Variants in PRKCG observed in about 807,000 individuals in gnomAD.
The protein encoded by PRKCG is protein kinase C gamma.
PRKCG carries 28 observed loss-of-function variants against 82.0 expected under a neutral mutation model. That is an observed-to-expected ratio of 0.34 (90% CI 0.25 to 0.47). The LOEUF (loss-of-function observed/expected upper bound fraction) is 0.47. PRKCG is among the 20% of genes least tolerant of loss of function. PRKCG has a pLI of 1.00. For synonymous variants in PRKCG, 383 were observed against 376.6 expected (o/e 1.02, Z -0.20); for missense variants, 640 against 952.7 (o/e 0.67, Z 4.32).
chr19:53,895,769 G>A (rs960828487), intron 9 of PRKCG, among the ~76,000 whole-genome samples: 1 of 152,116 alleles, frequency 6.6e-6, no homozygotes, highest in African/African-American at 2.4e-5. Flanking sequence ...GTTTGAGAAT[G>A]GGCTCTGCGG....
At chr19:53,886,228 C>T (rs145102065) in intron 3 of PRKCG, among the ~76,000 whole-genome samples, 4,949 of 151,622 alleles carry the variant, frequency 0.033, 97 homozygotes, top group African/African-American at 0.06. Context: ...CCTCAGCCTC[C>T]CGAGTAGCTG....
At chr19:53,886,764 T>C (rs1364297445) in intron 3 of PRKCG, among the ~76,000 whole-genome samples, 5 of 152,166 alleles carry the variant, frequency 3.3e-5, no homozygotes. Context: ...CTTATTTGGT[T>C]ATTTTTCCCT....
At chr19:53,887,549 G>C (rs1468231828) in intron 3 of PRKCG, among the ~76,000 whole-genome samples, 1 of 122,372 alleles carries the variant, frequency 8.2e-6, no homozygotes, top group East Asian at 2.7e-4. Context: ...AACATGCCTT[G>C]ACCAGGCATG....
intron 3 of PRKCG, among the ~76,000 whole-genome samples, chr19:53,887,943 G>A (rs1470149984): frequency 6.6e-6 from 1 of 152,122 alleles, no homozygotes; most frequent in Non-Finnish European, 1.5e-5. Context: ...CTGAGGCTTT[G>A]AAAAGGGGCA....
intron 16 of PRKCG, 129 bp from the exon 17 acceptor site, chr19:53,906,188 T>C (rs1414702484): frequency 4.8e-6 from 6 of 1,252,090 alleles, no homozygotes; most frequent in Non-Finnish European, 6.8e-6. Context: ...TGGCTGTTCT[T>C]ATCTCTCCGG....
In PRKCG at chr19:53,892,962, G is replaced by A. The variant is rs780850657; in HGVS notation, c.822-26G>A. On this transcript the variant is annotated intron_variant, in intron 7 of 17. Coordinates refer to ENST00000263431, the MANE Select transcript of PRKCG (RefSeq NM_002739.5). The surrounding 1 kb of genome is among the most constrained non-coding windows in gnomAD (Gnocchi z 5.9). ...CATGGGTGCCCCATCCCCGCTGCCC[G>A]CCTCTGGTCTCCGTCTGTATGTCAG... 19 of 1,607,870 alleles carry A rather than the reference G, an allele frequency of 1.2e-5. No homozygotes were observed. The highest frequency in any genetic ancestry group is 6.7e-5 in the East Asian group (3 of 44,832).
In PRKCG at chr19:53,889,814, G is replaced by C; in HGVS notation, c.397+65G>C. The C allele has an allele frequency of 1.9e-6, 3 of 1,579,312 alleles. No homozygotes were observed. Among genetic ancestry groups the C allele is most frequent in the South Asian group, 2.3e-5 (2 of 87,214 alleles). On this transcript the variant is annotated intron_variant, in intron 4 of 17. Coordinates refer to ENST00000263431, the MANE Select transcript of PRKCG (RefSeq NM_002739.5). The surrounding 1 kb of genome is among the most constrained non-coding windows in gnomAD (Gnocchi z 4.4). ...CCGGTCTGGGTTCCGGGAAATGCCC[G>C]GGATGGGGTGGGGGGTGGAGTCTTG...
In PRKCG at chr19:53,884,308, C is replaced by T. The variant is rs936023328; in HGVS notation, c.285+65C>T. On this transcript the variant is annotated intron_variant, in intron 3 of 17. Transcript: ENST00000263431. The surrounding 1 kb of genome is among the most constrained non-coding windows in gnomAD (Gnocchi z 4.6). Reference sequence around the variant, plus strand: ...CCCCCGCCCTCACCCCCTCGGCGTCCGTCCCAATTTCTCCTGCTATTTTTA... The same window carrying T: ...CCCCCGCCCTCACCCCCTCGGCGTCTGTCCCAATTTCTCCTGCTATTTTTA... 8.3e-6 allele frequency: 12 copies of T among 1,447,314 alleles called. No homozygotes were observed. The highest frequency in any genetic ancestry group is 2.2e-4 in the Middle Eastern group (1 of 4,504). The allele number at this position is 1,447,314 out of a possible 1,614,324, so 89.7% of individuals were successfully genotyped here. A position where few individuals can be genotyped will look rare whatever the true frequency, so the allele number is the denominator to read the frequency against.
At position 53,882,274 on chromosome 19, in the gene PRKCG, C is replaced by A; in HGVS notation, c.-221C>A. ...CGGCTGCCGGCGCCCCTGCCTTTGG[C>A]TCTTCCTCCCCACTCGCCCGCTCCC... On this transcript the variant is annotated 5_prime_UTR_variant, in exon 1 of 18. Transcript: ENST00000263431. This position sits in a 1 kb window ranked among gnomAD's most constrained non-coding sequence, Gnocchi z 6.1. 1.6e-6 allele frequency: 1 copy of A among 641,836 alleles called. No homozygotes were observed. The highest frequency in any genetic ancestry group is 2.7e-6 in the Non-Finnish European group (1 of 374,194). The allele number at this position is 641,836 out of a possible 1,614,324, so 39.8% of individuals were successfully genotyped here.
intron 9 of PRKCG, among the ~76,000 whole-genome samples, chr19:53,897,312 G>T (rs372345646): frequency 2.0e-5 from 3 of 152,198 alleles, no homozygotes; most frequent in East Asian, 3.8e-4. Flanking sequence ...GACAAGTGTG[G>T]AAGCTGTGAC....
intron 9 of PRKCG, among the ~76,000 whole-genome samples, chr19:53,896,047 G>A (rs1222277811): frequency 3.4e-5 from 5 of 148,782 alleles, no homozygotes; most frequent in African/African-American, 5.0e-5. Flanking sequence ...GTGACAGAGC[G>A]AGACTCTATC....
At chr19:53,905,758 C>G (rs911184397) in intron 16 of PRKCG, among the ~76,000 whole-genome samples, 2 of 117,504 alleles carry the variant, frequency 1.7e-5, no homozygotes, top group Non-Finnish European at 3.5e-5. Flanking sequence ...CCTTCCCTCT[C>G]CCCGTCCCTC....
At chr19:53,898,181 AG>A in intron 10 of PRKCG, 70 bp downstream of exon 10, 3 of 1,578,404 alleles carry the variant, frequency 1.9e-6, no homozygotes, top group Non-Finnish European at 2.6e-6. Flanking sequence ...GTTCTTAGGG[AG>A]GAAGTGGGGG....
chr19:53,904,556 TG>T, intron 15 of PRKCG, 78 bp from the exon 16 acceptor site: 2 of 1,247,620 alleles, frequency 1.6e-6, no homozygotes, highest in Non-Finnish European at 2.3e-6. Context: ...ATGTTCCCGG[TG>T]GGGTGAGGAG....
In PRKCG at chr19:53,892,749, T is replaced by TGCGC. The variant is rs780235525; in HGVS notation, c.821+107_821+110dup. ...CTGTCCTTCCCTCTGCCTCCCAGCA[T>TGCGC]GCGCACACACACACACACACACACA... On this transcript the variant is annotated intron_variant, in intron 7 of 17. Transcript: ENST00000263431. This position sits in a 1 kb window ranked among gnomAD's most constrained non-coding sequence, Gnocchi z 5.9. The TGCGC allele has an allele frequency of 2.7e-4, 291 of 1,081,194 alleles. No individual in the cohort carries two copies. Among genetic ancestry groups the TGCGC allele is most frequent in the Middle Eastern group, 1.5e-3 (6 of 3,976 alleles). 67.0% of individuals were successfully genotyped at this position (1,081,194 alleles called of 1,614,324 possible).
chr19:53,883,024 A>G lies in PRKCG; in HGVS notation c.171-139A>G. ...CTGGGGGCCAAAATTTCTGGGTTCTAGAAAGAGGAGGTGGCCGGGGCTTGG... is the reference window on the plus strand; with the variant it reads ...CTGGGGGCCAAAATTTCTGGGTTCTGGAAAGAGGAGGTGGCCGGGGCTTGG... On this transcript the variant is annotated intron_variant, in intron 1 of 17. Transcript: ENST00000263431. This position sits in a 1 kb window ranked among gnomAD's most constrained non-coding sequence, Gnocchi z 5.4. 5 of 1,135,554 alleles carry G rather than the reference A, an allele frequency of 4.4e-6. No homozygotes were observed. The highest frequency in any genetic ancestry group is 2.5e-5 in the South Asian group (2 of 80,468). 70.3% of individuals were successfully genotyped at this position (1,135,554 alleles called of 1,614,324 possible). A position where few individuals can be genotyped will look rare whatever the true frequency, so the allele number is the denominator to read the frequency against.
In PRKCG at chr19:53,900,851, G is replaced by T. The variant is rs2068758481; in HGVS notation, c.1575+102G>T. ...GGGTGAGGCCTGACCCTCAGACCTT[G>T]TCATGAGTTGTGGCCTTCTTACACA... On this transcript the variant is annotated intron_variant, in intron 14 of 17. Transcript: ENST00000263431. This position sits in a 1 kb window ranked among gnomAD's most constrained non-coding sequence, Gnocchi z 4.2. 2.5e-6 allele frequency: 4 copies of T among 1,574,470 alleles called. No individual in the cohort carries two copies. The Admixed American group carries it at 6.7e-5, about 26-fold the overall frequency.
At chr19:53,893,328 T>C (rs955537249) in intron 8 of PRKCG, 34 bp from the exon 9 acceptor site, 36 of 1,606,204 alleles carry the variant, frequency 2.2e-5, no homozygotes, top group Non-Finnish European at 2.9e-5. Flanking sequence ...CCTGCATCTC[T>C]TGGGACCCTG....
intron 9 of PRKCG, among the ~76,000 whole-genome samples, chr19:53,894,400 C>G (rs8103851): frequency 0.44 from 66,732 of 151,864 alleles, 14,805 homozygotes; most frequent in South Asian, 0.54. Context: ...CAAGCATGAT[C>G]ATCTTAATCT....
Sources: gnomAD v4.1 joint callset for allele counts (sites outside exome capture counted in the v4.1 genomes callset) on GRCh38, gnomAD v4.1.1 for gene constraint, Gnocchi (gnomAD v3.1) non-coding constraint, MANE v1.5 for transcripts, NCBI Gene and HGNC (gene_info 2026-07-23, HGNC 2026-07-21) for gene names.